Variants in HTR2C observed in about 807,000 individuals in gnomAD.
The protein encoded by HTR2C is 5-hydroxytryptamine (serotonin) receptor 2C, G protein-coupled.
Under a neutral mutation model 21.0 loss-of-function variants are expected in HTR2C, and 5 were observed. The ratio of observed to expected loss-of-function variants is 0.24; its 90% CI spans 0.12 to 0.50. The LOEUF is 0.50. HTR2C is among the 20% of genes least tolerant of loss of function. The pLI is 0.98. For synonymous variants in HTR2C, 150 were observed against 145.3 expected (o/e 1.03, Z -0.23); for missense variants, 271 against 371.2 (o/e 0.73, Z 2.22).
intron 2 of HTR2C, among the ~76,000 whole-genome samples, chrX:114,649,857 C>T (rs782218139): frequency 2.4e-4 from 27 of 111,117 alleles, no homozygotes; most frequent in Non-Finnish European, 4.7e-4. Flanking sequence ...TCAAGTGATC[C>T]GCCTGCCTTG....
At chrX:114,686,543 A>T (rs944644294) in intron 2 of HTR2C, among the ~76,000 whole-genome samples, 1 of 111,247 alleles carries the variant, frequency 9.0e-6, no homozygotes, top group Non-Finnish European at 1.9e-5. Flanking sequence ...AATCAAAATA[A>T]AATGTTATGA....
intron 1 of HTR2C, among the ~76,000 whole-genome samples, chrX:114,586,186 C>T (rs1556389625): frequency 1.8e-5 from 2 of 111,287 alleles, no homozygotes; most frequent in African/African-American, 6.5e-5. Context: ...TGATATCTAC[C>T]GTGATCATTG....
Position 114,605,340 on chromosome X carries a change from C to G in HTR2C, c.-146-8475C>G, listed in dbSNP as rs1312039812. On this transcript the variant is annotated intron_variant, in intron 1 of 5. Coordinates refer to ENST00000276198, the MANE Select transcript of HTR2C (RefSeq NM_000868.4). ...GCTGAGGAAGAATTGGGACCTAGCTCGGCATGGCGAGGAGCAGCCTGGGGA... is the reference window on the plus strand; with the variant it reads ...GCTGAGGAAGAATTGGGACCTAGCTGGGCATGGCGAGGAGCAGCCTGGGGA... Among the ~76,000 whole-genome samples, 4 of 109,498 alleles carry G rather than the reference C, an allele frequency of 3.7e-5. No individual in the cohort carries two copies. In the Admixed American group the frequency reaches 3.9e-4, roughly 11 times the overall value.
intron 2 of HTR2C, among the ~76,000 whole-genome samples, chrX:114,706,602 C>G (rs1442883473): frequency 1.0e-5 from 1 of 98,617 alleles, no homozygotes; most frequent in Non-Finnish European, 2.0e-5. Context: ...GTAGATATAC[C>G]TAATGCTAAA....
chrX:114,680,830 G>C (rs181801071), intron 2 of HTR2C, among the ~76,000 whole-genome samples: 5 of 111,255 alleles, frequency 4.5e-5, no homozygotes, highest in Non-Finnish European at 7.6e-5. Context: ...ATACAAAAAG[G>C]CTTGTGTAGA....
intron 2 of HTR2C, chrX:114,715,226 G>A: frequency 2.8e-6 from 1 of 357,358 alleles, no homozygotes; most frequent in South Asian, 2.7e-5. Context: ...AGGAAGAGCT[G>A]TTGGAGAGAC....
chrX:114,614,199 T>C (rs1280620480), intron 2 of HTR2C, among the ~76,000 whole-genome samples: 2 of 111,309 alleles, frequency 1.8e-5, no homozygotes, highest in Non-Finnish European at 3.8e-5. Context: ...TTGGGACAAT[T>C]AGGTTAGCGA....
At chrX:114,812,972 A>ACCAGACAAG (rs1556453225) in intron 4 of HTR2C, among the ~76,000 whole-genome samples, 2 of 111,390 alleles carry the variant, frequency 1.8e-5, no homozygotes, top group African/African-American at 6.5e-5. Context: ...GCCCTTTAAT[A>ACCAGACAAG]TTTACATTTA....
rs965586436 is a variant in HTR2C, at chrX:114,728,268, G to A, written c.35+1297G>A. Among the ~76,000 whole-genome samples, 3 of 111,410 alleles carry A rather than the reference G, an allele frequency of 2.7e-5. No homozygotes were observed. The South Asian group carries it at 1.1e-3, about 41-fold the overall frequency. On this transcript the variant is annotated intron_variant, in intron 3 of 5. Coordinates refer to ENST00000276198, the MANE Select transcript of HTR2C (RefSeq NM_000868.4). ...CAATGAGTAAATTATATGCATTTCA[G>A]AGAGAAATTATGACTTTTGTATACA...
intron 1 of HTR2C, among the ~76,000 whole-genome samples, chrX:114,588,911 A>G (rs1311820656): frequency 8.9e-6 from 1 of 111,800 alleles, no homozygotes; most frequent in Non-Finnish European, 1.9e-5. Context: ...TTACAGGTAT[A>G]TAACCATACA....
intron 2 of HTR2C, among the ~76,000 whole-genome samples, chrX:114,630,265 G>A (rs1471599723): frequency 9.0e-6 from 1 of 110,942 alleles, no homozygotes; most frequent in African/African-American, 3.3e-5. Context: ...TTTTGTAAGG[G>A]GAAATTATAA....
chrX:114,601,800 G>T (rs868944254), intron 1 of HTR2C, among the ~76,000 whole-genome samples: 3 of 103,878 alleles, frequency 2.9e-5, no homozygotes, highest in Non-Finnish European at 5.9e-5. Flanking sequence ...TTTTGGGGGG[G>T]TGGTATGGAG....
chrX:114,635,893 A>G (rs1929822634), intron 2 of HTR2C, among the ~76,000 whole-genome samples: 1 of 111,135 alleles, frequency 9.0e-6, no homozygotes, highest in South Asian at 3.8e-4. Flanking sequence ...TTTGTTTCCT[A>G]ATTGGATTAG....
At chrX:114,697,477 C>T (rs901533094) in intron 2 of HTR2C, among the ~76,000 whole-genome samples, 2 of 112,407 alleles carry the variant, frequency 1.8e-5, no homozygotes, top group Non-Finnish European at 3.8e-5. Flanking sequence ...CTTTCCCAAA[C>T]TTCTTTGTCC....
chrX:114,658,601 T>A (rs1359842109), intron 2 of HTR2C, among the ~76,000 whole-genome samples: 1 of 111,310 alleles, frequency 9.0e-6, no homozygotes. Flanking sequence ...AATGTCTACC[T>A]TGTACTCTCC....
chrX:114,690,161 C>A lies in HTR2C; in HGVS notation c.-79-36697C>A, dbSNP rs1224813145. On this transcript the variant is annotated intron_variant, in intron 2 of 5. Transcript: ENST00000276198. The stretch of plus-strand genomic sequence containing the variant: ...CTGAGCAGCACCCCAGAAAGTCAGC[C>A]TTTATCCTCAGAGCAATAACGATGA... 2.7e-5 allele frequency among the ~76,000 whole-genome samples: 3 copies of A among 111,306 alleles called. No homozygotes were observed. The Admixed American group carries it at 2.9e-4, about 11-fold the overall frequency.
chrX:114,647,132 A>ACC (rs1402316872), intron 2 of HTR2C, among the ~76,000 whole-genome samples: 1 of 111,149 alleles, frequency 9.0e-6, no homozygotes, highest in Non-Finnish European at 1.9e-5. Context: ...AAAAAGTTTC[A>ACC]CCTAGGAGGA....
intron 2 of HTR2C, among the ~76,000 whole-genome samples, chrX:114,675,425 C>G (rs1182906366): frequency 1.8e-5 from 2 of 112,113 alleles, no homozygotes; most frequent in South Asian, 7.4e-4. Flanking sequence ...AGTCAATGAT[C>G]TAATCTGTCA....
At chrX:114,833,988 A>C (rs782452867) in intron 4 of HTR2C, among the ~76,000 whole-genome samples, 1 of 109,855 alleles carries the variant, frequency 9.1e-6, no homozygotes, top group South Asian at 4.0e-4. Context: ...CAGGTTGTTC[A>C]GTTTCCATGT....
Sources: gnomAD v4.1 joint callset for allele counts (sites outside exome capture counted in the v4.1 genomes callset) on GRCh38, gnomAD v4.1.1 for gene constraint, MANE v1.5 for transcripts, NCBI Gene and HGNC (gene_info 2026-07-23, HGNC 2026-07-21) for gene names.